Variants in LRRFIP2 observed in about 807,000 individuals in gnomAD.
The protein encoded by LRRFIP2 is leucine-rich repeat flightless-interacting protein 2.
LRRFIP2 carries 109 observed loss-of-function variants against 125.9 expected under a neutral mutation model. That is an observed-to-expected ratio of 0.87 (90% confidence interval 0.74 to 1.01). LRRFIP2 has a LOEUF of 1.01. Among genes scored for constraint, LRRFIP2 ranks in the 50% least tolerant of loss-of-function variants. The pLI is 0.00. For missense variants in LRRFIP2, 850 were observed against 862.3 expected, an observed-to-expected ratio of 0.99 and a Z score of 0.18; for synonymous variants, 291 against 293.1, an observed-to-expected ratio of 0.99 and a Z score of 0.07.
intron 1 of LRRFIP2, among the ~76,000 whole-genome samples, chr3:37,149,271 T>A (rs2150036436): frequency 6.6e-6 from 1 of 152,328 alleles, no homozygotes; most frequent in East Asian, 1.9e-4. Context: ...CTCAGAAAGC[T>A]GCCATCAGCA....
intron 21 of LRRFIP2, among the ~76,000 whole-genome samples, chr3:37,069,055 A>T (rs567547457): frequency 6.6e-6 from 1 of 152,338 alleles, no homozygotes; most frequent in East Asian, 1.9e-4. Context: ...TTAAAAGTCA[A>T]GGGAGGACCA....
At chr3:37,159,655 T>C (rs927582664) in intron 1 of LRRFIP2, among the ~76,000 whole-genome samples, 1 of 151,908 alleles carries the variant, frequency 6.6e-6, no homozygotes, top group South Asian at 2.1e-4. Flanking sequence ...TACAGGCATG[T>C]GCCACCACGC....
intron 15 of LRRFIP2, among the ~76,000 whole-genome samples, chr3:37,099,806 G>C (rs570344442): frequency 1.3e-5 from 2 of 152,176 alleles, no homozygotes; most frequent in Non-Finnish European, 2.9e-5. Context: ...TAGGCTTGCA[G>C]AAACATGACC....
intron 1 of LRRFIP2, among the ~76,000 whole-genome samples, chr3:37,163,341 T>C (rs2096395571): frequency 6.6e-6 from 1 of 152,220 alleles, no homozygotes; most frequent in African/African-American, 2.4e-5. Flanking sequence ...CTTTCCTTCC[T>C]TGCAGTTAAG....
intron 19 of LRRFIP2, among the ~76,000 whole-genome samples, chr3:37,078,683 T>C (rs1296170579): frequency 6.6e-6 from 1 of 152,160 alleles, no homozygotes; most frequent in East Asian, 1.9e-4. Flanking sequence ...ACTGACCTAC[T>C]TGGTGGCAAT....
chr3:37,075,138 C>A (rs533240685), intron 19 of LRRFIP2, 22 bp from the exon 20 acceptor site: 8 of 1,525,976 alleles, frequency 5.2e-6, no homozygotes, highest in East Asian at 4.5e-5. Flanking sequence ...CAAATAATAT[C>A]ATTTACACAG....
intron 15 of LRRFIP2, among the ~76,000 whole-genome samples, chr3:37,101,572 G>C (rs2094049018): frequency 6.6e-6 from 1 of 151,676 alleles, no homozygotes; most frequent in African/African-American, 2.4e-5. Flanking sequence ...GGTTGAGGTG[G>C]GAGGATCACT....
At chr3:37,091,585 T>C (rs756965872) in intron 17 of LRRFIP2, 47 bp from the exon 18 acceptor site, 2 of 1,318,426 alleles carry the variant, frequency 1.5e-6, no homozygotes, top group East Asian at 2.4e-5. Context: ...TGCACAAACG[T>C]ATCTTAAATC....
At chr3:37,142,699 T>A (rs1158857299) in intron 2 of LRRFIP2, among the ~76,000 whole-genome samples, 1 of 152,186 alleles carries the variant, frequency 6.6e-6, no homozygotes, top group Non-Finnish European at 1.5e-5. Flanking sequence ...GGTTTCTTAT[T>A]CCAATCTGCA....
In LRRFIP2 at chr3:37,053,161, GA is replaced by G. The variant is rs2085941831; in HGVS notation, c.*689del. On this transcript the variant is annotated 3_prime_UTR_variant, in exon 28 of 28. Coordinates refer to ENST00000336686, the MANE Select transcript of LRRFIP2 (RefSeq NM_006309.4). ...CAAGGTACAGCACAGTTGTATTGAA[GA>G]AAAAAAGGACCCAACTCTTACTTTA... 1.3e-5 allele frequency: 2 copies of G among 152,368 alleles called. No individual in the cohort carries two copies. Among genetic ancestry groups the G allele is most frequent in the Admixed American group, 6.5e-5 (1 of 15,270 alleles). 9.4% of individuals were successfully genotyped at this position (152,368 alleles called of 1,614,324 possible).
chr3:37,063,592 AG>A, intron 24 of LRRFIP2, 149 bp downstream of exon 24: 1 of 674,888 alleles, frequency 1.5e-6, no homozygotes, highest in Non-Finnish European at 2.7e-6. Flanking sequence ...AATAACAAAG[AG>A]GTAAAATATG....
intron 2 of LRRFIP2, among the ~76,000 whole-genome samples, chr3:37,138,280 T>C (rs145936859): frequency 6.6e-6 from 1 of 152,346 alleles, no homozygotes; most frequent in African/African-American, 2.4e-5. Flanking sequence ...AATAAACTTG[T>C]TGTGGCTCAT....
At chr3:37,079,266 A>G (rs1677451751) in intron 19 of LRRFIP2, among the ~76,000 whole-genome samples, 1 of 152,244 alleles carries the variant, frequency 6.6e-6, no homozygotes, top group Admixed American at 6.5e-5. Flanking sequence ...TAGAATAAAA[A>G]GGACAGATAA....
chr3:37,153,213 A>C (rs2096080173), intron 1 of LRRFIP2, among the ~76,000 whole-genome samples: 1 of 151,854 alleles, frequency 6.6e-6, no homozygotes, highest in South Asian at 2.1e-4. Context: ...CCTGGGCAAA[A>C]CCCTGTCTCT....
At chr3:37,115,311 GTA>G (rs1227078068) in intron 6 of LRRFIP2, among the ~76,000 whole-genome samples, 1 of 152,088 alleles carries the variant, frequency 6.6e-6, no homozygotes, top group Non-Finnish European at 1.5e-5. Context: ...ATTCAAAACT[GTA>G]TGTTTATTTT....
intron 17 of LRRFIP2, among the ~76,000 whole-genome samples, chr3:37,092,410 C>CTT (rs2093495720): frequency 6.6e-6 from 1 of 152,170 alleles, no homozygotes; most frequent in Non-Finnish European, 1.5e-5. Flanking sequence ...GTAGGTTTGA[C>CTT]TGTCTTTTAC....
rs1010964367 is a variant in LRRFIP2, at chr3:37,127,919, T to C, written c.178-239A>G. 2.6e-5 allele frequency among the ~76,000 whole-genome samples: 4 copies of C among 152,158 alleles called. No individual in the cohort carries two copies. In the East Asian group the frequency reaches 5.8e-4, roughly 22 times the overall value. ...TTAATAACTGTCTCATTCACTTATT[T>C]ATTTATTTATTTATTTTTTTGAGAC... On this transcript the variant is annotated intron_variant, in intron 3 of 27. Transcript: ENST00000336686.
At position 37,066,340 on chromosome 3, in the gene LRRFIP2, G is replaced by A. The variant is rs199718641; in HGVS notation, c.1465-15C>T. 4 of 1,596,968 alleles carry A rather than the reference G, an allele frequency of 2.5e-6. No individual in the cohort carries two copies. Among genetic ancestry groups the A allele is most frequent in the Admixed American group, 3.3e-5 (2 of 59,978 alleles). ...TTCTCTAGGGCCTGGTTTTAGGTAA[G>A]GTAGCAAGGGAAACAATGGCACAGA... is the stretch of plus-strand genomic sequence containing the variant. On this transcript the variant is annotated splice_polypyrimidine_tract_variant and intron_variant, in intron 21 of 27. Coordinates refer to ENST00000336686, the MANE Select transcript of LRRFIP2 (RefSeq NM_006309.4).
chr3:37,127,681 C>T lies in LRRFIP2; in HGVS notation c.178-1G>A, dbSNP rs1260636282. ...TCCGATCAAAGGAATGAAGAGAGTA[C>T]TAGAAATGCAAAAATTTCATAAACC... On this transcript the variant is annotated splice_acceptor_variant, in intron 3 of 27. Coordinates refer to ENST00000336686, the MANE Select transcript of LRRFIP2 (RefSeq NM_006309.4). LOFTEE classifies it high-confidence loss of function. The T allele has an allele frequency of 3.1e-6, 5 of 1,613,480 alleles. No individual in the cohort carries two copies. Among genetic ancestry groups the T allele is most frequent in the East Asian group, 2.2e-5 (1 of 44,834 alleles).
Sources: allele counts gnomAD v4.1 joint callset (sites outside exome capture counted in the v4.1 genomes callset), GRCh38; gene constraint gnomAD v4.1.1; transcripts MANE v1.5; gene names NCBI Gene and HGNC (gene_info 2026-07-23, HGNC 2026-07-21).